LTA4H: variants seen among roughly 807,000 people sequenced by gnomAD.
LTA4H encodes leukotriene A4 hydrolase.
Under a neutral mutation model 89.8 loss-of-function variants are expected in LTA4H, and 59 were observed. The ratio of observed to expected loss-of-function variants is 0.66; its 90% CI spans 0.53 to 0.82. The LOEUF is 0.82. Among genes scored for constraint, LTA4H ranks in the 40% least tolerant of loss-of-function variants. The pLI is 0.00. For missense variants in LTA4H, 617 were observed against 727.0 expected (o/e 0.85, Z 1.74); for synonymous variants, 227 against 253.1 (o/e 0.90, Z 0.98).
intron 2 of LTA4H, among the ~76,000 whole-genome samples, chr12:96,028,661 C>T (rs1950538896): frequency 6.6e-6 from 1 of 152,188 alleles, no homozygotes; most frequent in South Asian, 2.1e-4. Context: ...CTATCTTTGG[C>T]ATTATCATTG....
At chr12:96,005,587 T>G (rs1412378305) in intron 16 of LTA4H, among the ~76,000 whole-genome samples, 1 of 152,152 alleles carries the variant, frequency 6.6e-6, no homozygotes, top group Non-Finnish European at 1.5e-5. Flanking sequence ...CAGCCCTTGC[T>G]GCTCCCTCCA....
intron 16 of LTA4H, among the ~76,000 whole-genome samples, chr12:96,004,409 C>G (rs1048560141): frequency 6.6e-6 from 1 of 152,054 alleles, no homozygotes; most frequent in Non-Finnish European, 1.5e-5. Flanking sequence ...TATTATAGAT[C>G]TCTTTGGGAA....
intron 15 of LTA4H, among the ~76,000 whole-genome samples, chr12:96,008,292 G>C (rs1950237307): frequency 6.6e-6 from 1 of 151,908 alleles, no homozygotes; most frequent in African/African-American, 2.4e-5. Flanking sequence ...AATTATCAAG[G>C]GCTCATCCTT....
chr12:96,006,276 G>T, intron 16 of LTA4H, 38 bp downstream of exon 16: 2 of 1,329,234 alleles, frequency 1.5e-6, no homozygotes, highest in East Asian at 2.3e-5. Flanking sequence ...GTGCCTTTCT[G>T]TCCATTTTAA....
intron 9 of LTA4H, among the ~76,000 whole-genome samples, 178 bp from the exon 10 acceptor site, chr12:96,017,292 T>C (rs1950393141): frequency 6.6e-6 from 1 of 152,076 alleles, no homozygotes; most frequent in Non-Finnish European, 1.5e-5. Context: ...CACACAAATA[T>C]GGCATAAAGT....
chr12:96,025,038 T>C (rs556040940), intron 3 of LTA4H, among the ~76,000 whole-genome samples: 1 of 152,328 alleles, frequency 6.6e-6, no homozygotes, highest in African/African-American at 2.4e-5. Context: ...TTTTAATCTA[T>C]GGTTAACCCT....
Position 96,015,012 on chromosome 12 carries a change from A to AT in LTA4H, c.1060-14_1060-13insA, listed in dbSNP as rs1331421639. 2 of 1,606,560 alleles carry AT rather than the reference A, an allele frequency of 1.2e-6. No individual in the cohort carries two copies. The highest frequency in any genetic ancestry group is 4.5e-5 in the East Asian group (2 of 44,764). ...CAAATGTCTTTACCTGCAAGACATG[A>AT]AATAACATGGAGAAACATATAGAAA... On this transcript the variant is annotated splice_polypyrimidine_tract_variant and intron_variant, in intron 11 of 18. Transcript: ENST00000228740.
chr12:96,017,512 T>C (rs781401587), intron 9 of LTA4H, 45 bp downstream of exon 9: 6 of 1,531,706 alleles, frequency 3.9e-6, no homozygotes, highest in African/African-American at 1.4e-5. Flanking sequence ...TCAGTTGACG[T>C]AATACTTCTT....
intron 3 of LTA4H, among the ~76,000 whole-genome samples, chr12:96,025,813 C>A (rs368015382): frequency 5.6e-4 from 80 of 143,308 alleles, no homozygotes; most frequent in African/African-American, 2.0e-3. Flanking sequence ...GGCAACACAG[C>A]AAGACCCTGT....
At chr12:96,035,683 G>A, upstream of LTA4H, 1 of 1,421,060 alleles carries the variant, frequency 7.0e-7, no homozygotes, top group Non-Finnish European at 9.2e-7. Flanking sequence ...AGCGTTGGGG[G>A]ATGGGTGAAG....
chr12:96,021,242 C>A, intron 5 of LTA4H, 105 bp from the exon 6 acceptor site: 1 of 785,152 alleles, frequency 1.3e-6, no homozygotes, highest in South Asian at 2.2e-5. Flanking sequence ...CCTTTCAAAT[C>A]TCCTAATATT....
At chr12:96,003,407 A>G (rs1178892607) in intron 17 of LTA4H, among the ~76,000 whole-genome samples, 1 of 152,112 alleles carries the variant, frequency 6.6e-6, no homozygotes, top group Non-Finnish European at 1.5e-5. Flanking sequence ...AAGATCAGGT[A>G]GGTGCTCACA....
intron 5 of LTA4H, among the ~76,000 whole-genome samples, chr12:96,021,556 T>A (rs115642594): frequency 8.2e-4 from 125 of 152,288 alleles, no homozygotes; most frequent in African/African-American, 2.9e-3. Flanking sequence ...TGGCATGTTG[T>A]AGAGGCACAC....
At chr12:96,005,499 C>T (rs1950183488) in intron 16 of LTA4H, among the ~76,000 whole-genome samples, 1 of 152,292 alleles carries the variant, frequency 6.6e-6, no homozygotes, top group South Asian at 2.1e-4. Flanking sequence ...TCTGGTCCTA[C>T]CAGCTTTTCT....
Position 96,017,435 on chromosome 12 carries a change from A to C in LTA4H, c.876+122T>G, listed in dbSNP as rs554000539. 6.1e-5 allele frequency: 48 copies of C among 781,270 alleles called. No homozygotes were observed. The Admixed American group carries it at 7.1e-4, about 12-fold the overall frequency. The allele number at this position is 781,270 out of a possible 1,614,324, so 48.4% of individuals were successfully genotyped here. ...ATTACATCTAATTGTTAATAATGTG[A>C]GAAGAGTCCCCAAATTGTCCATTAT... On this transcript the variant is annotated intron_variant, in intron 9 of 18. Transcript: ENST00000228740.
intron 8 of LTA4H, 29 bp from the exon 9 acceptor site, chr12:96,017,609 T>C (rs748215625): frequency 1.4e-4 from 223 of 1,574,884 alleles, no homozygotes; most frequent in Non-Finnish European, 1.9e-4. Context: ...ACCTTAGTAT[T>C]TTAGTAATCG....
In LTA4H at chr12:96,027,553, A is replaced by G; in HGVS notation, c.302T>C (p.Ile101Thr). The G allele has an allele frequency of 6.3e-7, 1 of 1,576,216 alleles. No homozygotes were observed. Among genetic ancestry groups the G allele is most frequent in the Non-Finnish European group, 8.7e-7 (1 of 1,150,656 alleles). ...LPIALSKNQE[I>T]VIEISFETSP... ...GGTCTCAAAAGAAATTTCTATAACA[A>G]TTTCTTGATTTCTGTATGAAACACA... is the stretch of plus-strand genomic sequence containing the variant. The change falls in exon 3 of 19, where the codon ATT becomes ACT. Residue 101 changes from isoleucine to threonine, a missense_variant. Coordinates refer to ENST00000228740, the MANE Select transcript of LTA4H (RefSeq NM_000895.3).
chr12:96,035,700 C>T (rs1220257203), upstream of LTA4H: 9 of 1,393,718 alleles, frequency 6.5e-6, no homozygotes, highest in Non-Finnish European at 8.4e-6. Context: ...GAAGGAACTA[C>T]AAGTTCCATG....
At chr12:96,021,797 C>T (rs1160667704) in intron 5 of LTA4H, among the ~76,000 whole-genome samples, 1 of 152,064 alleles carries the variant, frequency 6.6e-6, no homozygotes, top group Admixed American at 6.6e-5. Context: ...TTGACTCCTC[C>T]ATTTGTAAAC....
Sources: allele counts gnomAD v4.1 joint callset (sites outside exome capture counted in the v4.1 genomes callset), GRCh38; gene constraint gnomAD v4.1.1; transcripts MANE v1.5; gene names NCBI Gene and HGNC (gene_info 2026-07-23, HGNC 2026-07-21).